Variants in SAMD12 observed in about 807,000 individuals in gnomAD.
The protein encoded by SAMD12 is sterile alpha motif domain-containing protein 12.
SAMD12 carries 9 observed loss-of-function variants against 15.0 expected under a neutral mutation model. The ratio of observed to expected loss-of-function variants is 0.60; its 90% CI spans 0.36 to 1.05. The LOEUF is 1.05. SAMD12 is among the 50% of genes least tolerant of loss of function. SAMD12 has a pLI of 0.01. For missense variants in SAMD12, 230 were observed against 234.2 expected (o/e 0.98, Z 0.12); for synonymous variants, 86 against 90.1 (o/e 0.96, Z 0.25).
chr8:118,301,065 C>G (rs1255577014), intron 4 of SAMD12, among the ~76,000 whole-genome samples: 1 of 152,110 alleles, frequency 6.6e-6, no homozygotes, highest in African/African-American at 2.4e-5. Flanking sequence ...AAACTCAAAA[C>G]AAGCCAGAGT....
Position 118,379,408 on chromosome 8 carries a change from G to C in SAMD12, c.*9C>G. The C allele has an allele frequency of 1.2e-6, 2 of 1,610,256 alleles. No individual in the cohort carries two copies. The highest frequency in any genetic ancestry group is 3.3e-5 in the Admixed American group (2 of 59,742). On this transcript the variant is annotated 3_prime_UTR_variant, in exon 4 of 4. Transcript: ENST00000314727. ...GAGCTATGAAAAAAGTTTTCAAAGG[G>C]AAGTAATCTTAAATCTGTATACTAT...
At chr8:118,234,950 C>G (rs935996823) in intron 4 of SAMD12, among the ~76,000 whole-genome samples, 7 of 152,144 alleles carry the variant, frequency 4.6e-5, no homozygotes, top group African/African-American at 1.7e-4. Context: ...TACATAAATA[C>G]TCTCAAAATG....
chr8:118,560,170 C>T (rs78185255), intron 2 of SAMD12, among the ~76,000 whole-genome samples: 47 of 152,276 alleles, frequency 3.1e-4, no homozygotes, highest in African/African-American at 1.1e-3. Context: ...ATATTTCATC[C>T]ATAGTCAATT....
chr8:118,460,381 A>C (rs996027792), intron 2 of SAMD12, among the ~76,000 whole-genome samples: 1 of 152,222 alleles, frequency 6.6e-6, no homozygotes, highest in Admixed American at 6.5e-5. Context: ...TGGGACACAA[A>C]GATGAAAAAT....
chr8:118,507,735 A>T (rs1824959268), intron 2 of SAMD12, among the ~76,000 whole-genome samples: 1 of 152,136 alleles, frequency 6.6e-6, no homozygotes, highest in South Asian at 2.1e-4. Flanking sequence ...TTTCAACCCA[A>T]CACAGGTGAA....
At chr8:118,577,694 C>T (rs966270148) in intron 2 of SAMD12, among the ~76,000 whole-genome samples, 4 of 152,088 alleles carry the variant, frequency 2.6e-5, no homozygotes, top group East Asian at 1.9e-4. Flanking sequence ...TCAGAGCTCT[C>T]GCATCCCAGA....
chr8:118,429,148 T>C (rs981149250), intron 3 of SAMD12, among the ~76,000 whole-genome samples: 3 of 152,220 alleles, frequency 2.0e-5, no homozygotes, highest in Non-Finnish European at 4.4e-5. Flanking sequence ...GTCTTAGATA[T>C]ATTTTGTTTA....
intron 4 of SAMD12, among the ~76,000 whole-genome samples, chr8:118,232,856 A>G (rs1000014615): frequency 2.6e-5 from 4 of 152,166 alleles, no homozygotes; most frequent in African/African-American, 7.2e-5. Context: ...AGATTTGTGC[A>G]GTGGGACCAC....
intron 2 of SAMD12, among the ~76,000 whole-genome samples, chr8:118,579,808 G>C: frequency 6.6e-6 from 1 of 152,128 alleles, no homozygotes. Flanking sequence ...ACTATATGAA[G>C]ATTAATTTCC....
chr8:118,255,599 G>A (rs1385937564), intron 4 of SAMD12, among the ~76,000 whole-genome samples: 49 of 146,004 alleles, frequency 3.4e-4, no homozygotes, highest in Non-Finnish European at 5.8e-4. Context: ...GTGAGAACAT[G>A]TGGTGTTTGG....
chr8:118,431,735 A>G (rs926708635), intron 3 of SAMD12, among the ~76,000 whole-genome samples: 3 of 149,094 alleles, frequency 2.0e-5, no homozygotes, highest in Non-Finnish European at 4.5e-5. Context: ...TGTGTTTGAG[A>G]AAAGTAGTTC....
intron 3 of SAMD12, among the ~76,000 whole-genome samples, chr8:118,395,830 C>A (rs1029860623): frequency 1.3e-5 from 2 of 151,144 alleles, no homozygotes; most frequent in Admixed American, 1.3e-4. Flanking sequence ...TGGTGGCGGG[C>A]GCCTGTAGTC....
chr8:118,263,209 G>A (rs1813120661), intron 4 of SAMD12, among the ~76,000 whole-genome samples: 1 of 152,050 alleles, frequency 6.6e-6, no homozygotes, highest in Admixed American at 6.6e-5. Context: ...GCGACGGTTG[G>A]AAGACAAGTT....
chr8:118,538,409 G>A (rs1825905857), intron 2 of SAMD12, among the ~76,000 whole-genome samples: 1 of 151,610 alleles, frequency 6.6e-6, no homozygotes, highest in Admixed American at 6.5e-5. Context: ...TACAGTGGCA[G>A]GGCTGGCCAG....
chr8:118,297,721 TG>T (rs1563743120), intron 4 of SAMD12, among the ~76,000 whole-genome samples: 1 of 152,230 alleles, frequency 6.6e-6, no homozygotes, highest in Non-Finnish European at 1.5e-5. Context: ...TTTGTTCACA[TG>T]GTTATAGAAT....
At chr8:118,337,191 TA>T (rs200802931) in intron 4 of SAMD12, among the ~76,000 whole-genome samples, 18 of 143,806 alleles carry the variant, frequency 1.3e-4, no homozygotes, top group East Asian at 1.0e-3. Context: ...AAGAGAGAAA[TA>T]AAAAAAAAAG....
At position 118,401,541 on chromosome 8, in the gene SAMD12, C is replaced by CTTTT. The variant is rs3884378; in HGVS notation, c.323-21845_323-21842dup. Reference sequence around the variant, plus strand: ...GTGTGCCACAGACTCCCTTCTTCTTCTTTTTTTTTTTTTTTGTATAAACAG... The same window carrying CTTTT: ...GTGTGCCACAGACTCCCTTCTTCTTCTTTTTTTTTTTTTTTTTTTGTATAAACAG... On this transcript the variant is annotated intron_variant, in intron 3 of 3. Transcript: ENST00000314727. Among the ~76,000 whole-genome samples, 395 of 140,250 alleles carry CTTTT rather than the reference C, an allele frequency of 2.8e-3. 3 individuals carry two copies. Among genetic ancestry groups the CTTTT allele is most frequent in the African/African-American group, 9.8e-3 (373 of 38,028 alleles). The allele number at this position is 140,250 out of a possible 152,430, so 92.0% of individuals were successfully genotyped here. A position where few individuals can be genotyped will look rare whatever the true frequency, so the allele number is the denominator to read the frequency against.
intron 4 of SAMD12, among the ~76,000 whole-genome samples, chr8:118,237,842 C>A (rs940164758): frequency 1.4e-4 from 22 of 152,156 alleles, no homozygotes; most frequent in African/African-American, 5.1e-4. Context: ...TGCCTCTCTT[C>A]CATCTCCTCC....
intron 4 of SAMD12, among the ~76,000 whole-genome samples, chr8:118,268,092 A>C (rs1813252620): frequency 6.6e-6 from 1 of 151,906 alleles, no homozygotes; most frequent in Admixed American, 6.6e-5. Flanking sequence ...GCTTCATCTC[A>C]AACAAAAAAA....
Sources: gnomAD v4.1 joint callset for allele counts (sites outside exome capture counted in the v4.1 genomes callset) on GRCh38, gnomAD v4.1.1 for gene constraint, MANE v1.5 for transcripts, NCBI Gene and HGNC (gene_info 2026-07-23, HGNC 2026-07-21) for gene names.